The following KIAA0825 variants were observed in gnomAD, a reference collection of about 807,000 sequenced individuals.
KIAA0825 encodes the protein uncharacterized protein KIAA0825.
Under a neutral mutation model 147.6 loss-of-function variants are expected in KIAA0825, and 119 were observed. The ratio of observed to expected loss-of-function variants is 0.81; its 90% confidence interval spans 0.69 to 0.94. The LOEUF is 0.94. Among genes scored for constraint, KIAA0825 ranks in the 40% least tolerant of loss-of-function variants. The probability of loss-of-function intolerance (pLI) is 0.00; values close to 1 mark genes in which losing one functional copy is unlikely to be tolerated. For synonymous variants in KIAA0825, 470 were observed against 518.1 expected (o/e 0.91, Z 1.26); for missense variants, 1,381 against 1,472.7 (o/e 0.94, Z 1.02).
At chr5:94,443,344 A>G (rs1757331856) in intron 13 of KIAA0825, among the ~76,000 whole-genome samples, 1 of 138,160 alleles carries the variant, frequency 7.2e-6, no homozygotes. Context: ...TTTTATATAT[A>G]TATATGTATA....
chr5:94,474,234 C>CT (rs1009905097), intron 7 of KIAA0825, among the ~76,000 whole-genome samples: 1 of 152,074 alleles, frequency 6.6e-6, no homozygotes, highest in Admixed American at 6.5e-5. Flanking sequence ...CTGATGTTTT[C>CT]TTTTTTCCTT....
chr5:94,435,486 T>C (rs1337823501), intron 14 of KIAA0825, among the ~76,000 whole-genome samples: 1 of 152,138 alleles, frequency 6.6e-6, no homozygotes, highest in Non-Finnish European at 1.5e-5. Flanking sequence ...CATTTCATGG[T>C]GTATATGTAC....
intron 2 of KIAA0825, among the ~76,000 whole-genome samples, chr5:94,539,203 T>C (rs1015524782): frequency 5.9e-5 from 9 of 152,170 alleles, no homozygotes; most frequent in Non-Finnish European, 1.3e-4. Context: ...AGTTACCCTA[T>C]ATGGCCTAGA....
At chr5:94,249,909 T>C (rs1004322569) in intron 20 of KIAA0825, among the ~76,000 whole-genome samples, 6 of 152,062 alleles carry the variant, frequency 3.9e-5, no homozygotes, top group African/African-American at 1.4e-4. Flanking sequence ...CACTCTGTCT[T>C]GTTCAGATGG....
At chr5:94,602,383 A>G (rs1012177598) in intron 1 of KIAA0825, among the ~76,000 whole-genome samples, 6 of 151,960 alleles carry the variant, frequency 3.9e-5, no homozygotes, top group African/African-American at 1.4e-4. Context: ...CCATGAGAAG[A>G]TCTTCCCCAA....
chr5:94,545,666 C>G (rs533998468), intron 2 of KIAA0825, among the ~76,000 whole-genome samples: 1 of 152,276 alleles, frequency 6.6e-6, no homozygotes, highest in East Asian at 1.9e-4. Context: ...GGATTCATCA[C>G]CTGCTGACTA....
chr5:94,558,014 TAA>T (rs1487721516), intron 2 of KIAA0825, among the ~76,000 whole-genome samples: 1 of 152,222 alleles, frequency 6.6e-6, no homozygotes. Flanking sequence ...CTGATCAGGC[TAA>T]AAGTTTGCCG....
intron 14 of KIAA0825, among the ~76,000 whole-genome samples, chr5:94,418,952 A>C (rs1486731836): frequency 6.6e-6 from 1 of 152,048 alleles, no homozygotes; most frequent in East Asian, 1.9e-4. Flanking sequence ...ATTATAGCTC[A>C]TTGCAGCCCC....
At chr5:94,473,029 A>C (rs1479954013) in intron 8 of KIAA0825, among the ~76,000 whole-genome samples, 1 of 152,150 alleles carries the variant, frequency 6.6e-6, no homozygotes, top group Non-Finnish European at 1.5e-5. Flanking sequence ...TGGTTTTCCC[A>C]GGGTTTCCCA....
At chr5:94,394,260 T>G (rs1255473368) in intron 17 of KIAA0825, among the ~76,000 whole-genome samples, 1 of 152,214 alleles carries the variant, frequency 6.6e-6, no homozygotes. Context: ...TAAAAAACTA[T>G]GCCAAAAATA....
At chr5:94,579,999 C>G (rs1038820537) in intron 2 of KIAA0825, among the ~76,000 whole-genome samples, 2 of 152,156 alleles carry the variant, frequency 1.3e-5, no homozygotes, top group African/African-American at 4.8e-5. Flanking sequence ...TATTATTTAT[C>G]AAAAATGTGG....
chr5:94,216,427 A>G (rs1016222951), intron 20 of KIAA0825, among the ~76,000 whole-genome samples: 5 of 152,142 alleles, frequency 3.3e-5, no homozygotes, highest in South Asian at 2.1e-4. Flanking sequence ...TTCCATTCAG[A>G]TGGAATGGAA....
At chr5:94,176,954 C>A (rs183968102) in intron 20 of KIAA0825, among the ~76,000 whole-genome samples, 3 of 152,108 alleles carry the variant, frequency 2.0e-5, no homozygotes, top group East Asian at 3.9e-4. Flanking sequence ...GCTAGTGTTC[C>A]TAGAAAGTTC....
At chr5:94,519,339 G>A in intron 5 of KIAA0825, 2 of 897,954 alleles carry the variant, frequency 2.2e-6, no homozygotes, top group Non-Finnish European at 2.7e-6. Context: ...AAATACTTAA[G>A]CCATATAGTT....
intron 15 of KIAA0825, chr5:94,413,823 T>C (rs1323769465): frequency 2.6e-5 from 4 of 152,204 alleles, no homozygotes; most frequent in Non-Finnish European, 5.9e-5. Context: ...TTAAGGTGGA[T>C]TGCAAACAAA....
rs1766822171 is a variant in KIAA0825, at chr5:94,154,227, C to CT, written c.3711-104dup. 19 of 722,162 alleles carry CT rather than the reference C, an allele frequency of 2.6e-5. No homozygotes were observed. In the South Asian group the frequency reaches 3.0e-4, roughly 11 times the overall value. 44.7% of individuals were successfully genotyped at this position (722,162 alleles called of 1,614,324 possible). On this transcript the variant is annotated intron_variant, in intron 20 of 20. Transcript: ENST00000682413. ...ATGTAATCTTGGCTTATTGAGTCAT[C>CT]TGTCTCTCCCTGTTTATTCTTCACT... is the stretch of plus-strand genomic sequence containing the variant.
chr5:94,260,519 A>C (rs954105764), intron 20 of KIAA0825, among the ~76,000 whole-genome samples: 3 of 152,174 alleles, frequency 2.0e-5, no homozygotes, highest in African/African-American at 7.2e-5. Context: ...CCAGGTTTAA[A>C]AGTCTTTCCA....
chr5:94,233,563 CT>C (rs2150089939), intron 20 of KIAA0825, among the ~76,000 whole-genome samples: 1 of 152,200 alleles, frequency 6.6e-6, no homozygotes, highest in East Asian at 1.9e-4. Context: ...TGTATCTTAC[CT>C]TTCCCCAAGA....
Position 94,396,417 on chromosome 5 carries a change from A to G in KIAA0825, c.2980T>C (p.Phe994Leu), listed in dbSNP as rs1750659376. Residue 994 changes from phenylalanine (F) to leucine (L), a missense_variant, in exon 17 of 21, where the codon TTT (phenylalanine) becomes CTT (leucine). By Grantham distance (22) the Phe-to-Leu change is conservative (BLOSUM62 0). Coordinates refer to ENST00000682413, the MANE Select transcript of KIAA0825 (RefSeq NM_001145678.3). ...ACLPPPVKYF[F>L]FLSERKMSKK... ...GACATTTTTCTCTCAGACAGAAAAA[A>G]GAAGTATTTAACTGGGGGAGGCAAA... 6.4e-7 allele frequency: 1 copy of G among 1,550,462 alleles called. No homozygotes were observed. Among genetic ancestry groups the G allele is most frequent in the Non-Finnish European group, 8.7e-7 (1 of 1,146,530 alleles).
Sources: allele counts gnomAD v4.1 joint callset (sites outside exome capture counted in the v4.1 genomes callset), GRCh38; gene constraint gnomAD v4.1.1; transcripts MANE v1.5; gene names NCBI Gene and HGNC (gene_info 2026-07-23, HGNC 2026-07-21).